ABCG2: variants seen among roughly 807,000 people sequenced by gnomAD.
The protein encoded by ABCG2 is broad substrate specificity ATP-binding cassette transporter ABCG2.
A neutral mutation model predicts 73.5 loss-of-function variants in ABCG2; 80 were observed. The observed-to-expected ratio is 1.09, with a 90% confidence interval of 0.91 to 1.31. The LOEUF is 1.31. ABCG2 is among the 50% of genes most tolerant of loss of function. The pLI is 0.00. For missense variants in ABCG2, 796 were observed against 786.2 expected (o/e 1.01, Z -0.15); for synonymous variants, 269 against 282.4 (o/e 0.95, Z 0.48).
chr4:88,156,324 G>A (rs1446375761), intron 1 of ABCG2, among the ~76,000 whole-genome samples: 5 of 130,198 alleles, frequency 3.8e-5, no homozygotes, highest in Middle Eastern at 5.8e-3. Context: ...GCAGTGAGCC[G>A]AGATCGTGCC....
At chr4:88,219,640 G>A (rs1729940244) in intron 1 of ABCG2, among the ~76,000 whole-genome samples, 2 of 121,558 alleles carry the variant, frequency 1.6e-5, no homozygotes, top group Admixed American at 1.1e-4. Flanking sequence ...GGAGTGCAAT[G>A]GCGCGATCTC....
At chr4:88,214,421 A>T (rs1286525732) in intron 1 of ABCG2, among the ~76,000 whole-genome samples, 2 of 151,784 alleles carry the variant, frequency 1.3e-5, no homozygotes, top group Admixed American at 1.3e-4. Flanking sequence ...TCTCAAATCC[A>T]CTCCAATCAG....
intron 1 of ABCG2, among the ~76,000 whole-genome samples, chr4:88,144,346 G>C (rs2110062526): frequency 6.6e-6 from 1 of 152,140 alleles, no homozygotes; most frequent in Non-Finnish European, 1.5e-5. Context: ...TTTGCATATG[G>C]AGATTCTTTC....
At chr4:88,182,046 T>C (rs914561760) in intron 1 of ABCG2, among the ~76,000 whole-genome samples, 1 of 151,902 alleles carries the variant, frequency 6.6e-6, no homozygotes, top group African/African-American at 2.4e-5. Context: ...ACTTCACCTA[T>C]AAAGACACAC....
At chr4:88,203,182 C>T (rs1366010095) in intron 1 of ABCG2, among the ~76,000 whole-genome samples, 1 of 151,980 alleles carries the variant, frequency 6.6e-6, no homozygotes, top group Non-Finnish European at 1.5e-5. Context: ...TTGCAAATTA[C>T]TAAGAACTGG....
chr4:88,138,262 G>C (rs1329839312), intron 2 of ABCG2, among the ~76,000 whole-genome samples: 1 of 152,210 alleles, frequency 6.6e-6, no homozygotes, highest in African/African-American at 2.4e-5. Flanking sequence ...CTATGGGAAT[G>C]AATTTTTTTT....
chr4:88,113,182 C>T (rs1723258388), intron 9 of ABCG2, 121 bp downstream of exon 9: 1 of 1,312,734 alleles, frequency 7.6e-7, no homozygotes, highest in Non-Finnish European at 1.1e-6. Context: ...TTCTATATCC[C>T]AGGTGGAGTG....
At chr4:88,221,338 G>T (rs1263026196) in intron 1 of ABCG2, among the ~76,000 whole-genome samples, 1 of 152,048 alleles carries the variant, frequency 6.6e-6, no homozygotes, top group East Asian at 1.9e-4. Flanking sequence ...GCATGAGAAC[G>T]GACTAATACA....
chr4:88,229,852 A>G (rs1465072003), intron 1 of ABCG2, among the ~76,000 whole-genome samples: 2 of 152,142 alleles, frequency 1.3e-5, no homozygotes, highest in African/African-American at 2.4e-5. Context: ...CAGGCCTGTT[A>G]CAGGAGGATA....
intron 1 of ABCG2, among the ~76,000 whole-genome samples, chr4:88,174,024 A>G (rs541435627): frequency 6.6e-6 from 1 of 152,266 alleles, no homozygotes; most frequent in Non-Finnish European, 1.5e-5. Context: ...TGTCCTTGAG[A>G]AATTCATGTT....
chr4:88,113,038 G>C lies in ABCG2; in HGVS notation c.1194+265C>G, dbSNP rs189853151. ...GGTGTGAGGATCACTTGAGCCCAGG[G>C]AGGTCAGGGCTGCAGTGAGCTGAGT... is the stretch of plus-strand genomic sequence containing the variant. On this transcript the variant is annotated intron_variant, in intron 9 of 15. Transcript: ENST00000237612. Among the ~76,000 whole-genome samples the C allele has an allele frequency of 1.9e-3, 292 of 152,212 alleles. 2 individuals carry two copies. Among genetic ancestry groups the C allele is most frequent in the African/African-American group, 6.7e-3 (278 of 41,518 alleles).
chr4:88,102,668 T>C (rs568144153), intron 10 of ABCG2, among the ~76,000 whole-genome samples: 7 of 151,928 alleles, frequency 4.6e-5, no homozygotes, highest in African/African-American at 1.7e-4. Context: ...GATACAAATA[T>C]GCATTTTATG....
chr4:88,093,921 C>T (rs775411235), intron 15 of ABCG2, among the ~76,000 whole-genome samples: 9 of 152,164 alleles, frequency 5.9e-5, no homozygotes, highest in South Asian at 2.1e-4. Context: ...TATGTGAAAA[C>T]GGGGTTTTTT....
upstream of ABCG2, chr4:88,158,700 G>A (rs1235111272): frequency 2.2e-6 from 1 of 454,410 alleles, no homozygotes; most frequent in Non-Finnish European, 4.4e-6. Context: ...GCCCGCGCGC[G>A]GCACAACCCC....
At chr4:88,124,341 A>G (rs768046138) in intron 5 of ABCG2, among the ~76,000 whole-genome samples, 3 of 152,252 alleles carry the variant, frequency 2.0e-5, no homozygotes, top group Non-Finnish European at 2.9e-5. Flanking sequence ...AATGGGCTAA[A>G]TGCCCCAGTT....
At chr4:88,144,126 C>T (rs1373041750) in intron 1 of ABCG2, among the ~76,000 whole-genome samples, 1 of 152,198 alleles carries the variant, frequency 6.6e-6, no homozygotes, top group Non-Finnish European at 1.5e-5. Context: ...CAACCTCCCA[C>T]CTGTTGCCGT....
upstream of ABCG2, among the ~76,000 whole-genome samples, chr4:88,160,964 C>A (rs1727274818): frequency 6.6e-6 from 1 of 151,404 alleles, no homozygotes. Context: ...TTGCTTGAGC[C>A]CAGGAGTTCA....
At chr4:88,108,775 G>A (rs1722926888) in intron 9 of ABCG2, among the ~76,000 whole-genome samples, 1 of 152,122 alleles carries the variant, frequency 6.6e-6, no homozygotes, top group Admixed American at 6.5e-5. Flanking sequence ...AGTCTGGAAA[G>A]AACATTATTC....
chr4:88,096,106 T>C (rs374729439), intron 13 of ABCG2, among the ~76,000 whole-genome samples: 3 of 152,344 alleles, frequency 2.0e-5, no homozygotes, highest in African/African-American at 7.2e-5. Flanking sequence ...AGCAAGGATA[T>C]GAGGTTCTGA....
Sources: allele counts gnomAD v4.1 joint callset (sites outside exome capture counted in the v4.1 genomes callset), GRCh38; gene constraint gnomAD v4.1.1; transcripts MANE v1.5; gene names NCBI Gene and HGNC (gene_info 2026-07-23, HGNC 2026-07-21).